CCDC148: variants seen among roughly 807,000 people sequenced by gnomAD.
CCDC148 encodes coiled-coil domain containing 148.
CCDC148 carries 89 observed loss-of-function variants against 85.7 expected under a neutral mutation model. That is an observed-to-expected ratio of 1.04 (90% CI 0.87 to 1.24). The LOEUF is 1.24. Ranked by LOEUF, CCDC148 falls within the 50% of genes most tolerant of loss-of-function variation. The probability of loss-of-function intolerance (pLI) is 0.00; values close to 1 mark genes in which losing one functional copy is unlikely to be tolerated. For missense variants in CCDC148, 692 were observed against 671.7 expected (o/e 1.03, Z -0.33); for synonymous variants, 230 against 213.9 (o/e 1.08, Z -0.66).
chr2:158,407,441 T>C (rs1306170205), intron 1 of CCDC148, among the ~76,000 whole-genome samples: 2 of 152,212 alleles, frequency 1.3e-5, no homozygotes, highest in Non-Finnish European at 2.9e-5. Context: ...CTGTCAACTT[T>C]TTACTCTTTC....
chr2:158,267,202 C>T (rs1005819470), intron 9 of CCDC148, among the ~76,000 whole-genome samples: 4 of 152,054 alleles, frequency 2.6e-5, no homozygotes, highest in African/African-American at 7.3e-5. Flanking sequence ...CCACACCAAA[C>T]ATCAAACTCG....
intron 10 of CCDC148, among the ~76,000 whole-genome samples, chr2:158,244,410 T>C (rs910224539): frequency 5.9e-5 from 9 of 152,170 alleles, no homozygotes; most frequent in Non-Finnish European, 1.3e-4. Context: ...GAAATCAAGG[T>C]ATTGACAAAA....
chr2:158,293,923 C>T (rs1208647001), intron 9 of CCDC148, among the ~76,000 whole-genome samples: 1 of 146,954 alleles, frequency 6.8e-6, no homozygotes, highest in African/African-American at 2.5e-5. Flanking sequence ...CAATGAGGGG[C>T]ATGGATGTGC....
At chr2:158,274,292 A>C (rs943998511) in intron 9 of CCDC148, among the ~76,000 whole-genome samples, 3 of 152,190 alleles carry the variant, frequency 2.0e-5, no homozygotes, top group Admixed American at 6.5e-5. Flanking sequence ...GGTTTACATT[A>C]AAGTATGAAA....
chr2:158,422,436 C>A (rs146797903), intron 1 of CCDC148, among the ~76,000 whole-genome samples: 63,083 of 151,962 alleles, frequency 0.42, 15,568 homozygotes, highest in South Asian at 0.69. Context: ...CAACATATGC[C>A]AATCAATAAA....
At chr2:158,438,138 T>C (rs995744655) in intron 1 of CCDC148, among the ~76,000 whole-genome samples, 3 of 152,134 alleles carry the variant, frequency 2.0e-5, no homozygotes, top group African/African-American at 7.2e-5. Context: ...AAAGTTCATG[T>C]GGAACCAAAA....
At position 158,423,975 on chromosome 2, in the gene CCDC148, A is replaced by G. The variant is rs1171001973; in HGVS notation, c.25+32440T>C. Among the ~76,000 whole-genome samples the G allele has an allele frequency of 3.9e-5, 6 of 152,364 alleles. No individual in the cohort carries two copies. The East Asian group carries it at 1.2e-3, about 29-fold the overall frequency. On this transcript the variant is annotated intron_variant, in intron 1 of 13. Transcript: ENST00000283233. ...AGCAGACCATGAAAAAATGCTCATCATCACTGGCCATCATAGAAATGCAAA... is the reference window on the plus strand; with the variant it reads ...AGCAGACCATGAAAAAATGCTCATCGTCACTGGCCATCATAGAAATGCAAA...
At chr2:158,277,211 C>T (rs757519469) in intron 9 of CCDC148, among the ~76,000 whole-genome samples, 5 of 152,076 alleles carry the variant, frequency 3.3e-5, no homozygotes, top group South Asian at 4.2e-4. Context: ...CATCACAACT[C>T]GAGGGGATGA....
At chr2:158,272,070 G>A (rs1689722974) in intron 9 of CCDC148, among the ~76,000 whole-genome samples, 2 of 152,086 alleles carry the variant, frequency 1.3e-5, no homozygotes, top group South Asian at 2.1e-4. Flanking sequence ...AAAAGGCAGG[G>A]CTGATGTTCA....
At chr2:158,195,203 T>C (rs1208093724) in intron 11 of CCDC148, among the ~76,000 whole-genome samples, 1 of 152,072 alleles carries the variant, frequency 6.6e-6, no homozygotes, top group Non-Finnish European at 1.5e-5. Context: ...ATCTTATGCT[T>C]TTCCCACTTT....
At chr2:158,178,788 T>C (rs1684719016) in intron 12 of CCDC148, 91 bp downstream of exon 12, 2 of 853,142 alleles carry the variant, frequency 2.3e-6, no homozygotes, top group Non-Finnish European at 3.8e-6. Context: ...GCAGATGTCA[T>C]GAACTAAGCC....
chr2:158,396,663 A>T (rs997049626), intron 1 of CCDC148, among the ~76,000 whole-genome samples: 1 of 152,140 alleles, frequency 6.6e-6, no homozygotes, highest in Non-Finnish European at 1.5e-5. Flanking sequence ...TCTACAAGAG[A>T]AATAGTGACA....
intron 10 of CCDC148, among the ~76,000 whole-genome samples, chr2:158,227,654 A>G (rs972056621): frequency 8.5e-5 from 13 of 152,218 alleles, no homozygotes; most frequent in African/African-American, 2.4e-4. Context: ...ATAATGCCGC[A>G]TATCTACAAC....
At chr2:158,173,582 G>T (rs912854256) in intron 13 of CCDC148, among the ~76,000 whole-genome samples, 8 of 152,006 alleles carry the variant, frequency 5.3e-5, no homozygotes, top group Non-Finnish European at 8.8e-5. Context: ...TTGGCTGGTA[G>T]CAAGGAAGAG....
At chr2:158,440,958 C>T (rs142165772) in intron 1 of CCDC148, among the ~76,000 whole-genome samples, 2 of 152,190 alleles carry the variant, frequency 1.3e-5, no homozygotes, top group East Asian at 3.9e-4. Flanking sequence ...GAGTCAGGAG[C>T]ATTGCTTGAC....
Position 158,309,510 on chromosome 2 carries a change from C to A in CCDC148, c.1033G>T (p.Ala345Ser), listed in dbSNP as rs760016277. ...KAVLTLTEAC[A>S]THEMESMLAK... Reference sequence around the variant, plus strand: ...AACATGCTCTCCATTTCATGTGTTGCACAAGCCTCAGTGAGTGTCAGCACA... The same window carrying A: ...AACATGCTCTCCATTTCATGTGTTGAACAAGCCTCAGTGAGTGTCAGCACA... Residue 345 changes from alanine to serine, a missense_variant, in exon 9 of 14, where the codon GCA (alanine) becomes TCA (serine). Ala to Ser is a moderately conservative substitution (Grantham distance 99, BLOSUM62 1). Coordinates refer to ENST00000283233, the MANE Select transcript of CCDC148 (RefSeq NM_138803.4). 6.2e-7 allele frequency: 1 copy of A among 1,614,102 alleles called. No individual in the cohort carries two copies. The highest frequency in any genetic ancestry group is 8.5e-7 in the Non-Finnish European group (1 of 1,179,966).
chr2:158,253,348 C>T (rs1688875522), intron 9 of CCDC148, among the ~76,000 whole-genome samples: 1 of 151,640 alleles, frequency 6.6e-6, no homozygotes, highest in African/African-American at 2.4e-5. Context: ...CCTCTGCCTT[C>T]CCTTATATGG....
At chr2:158,242,727 A>T (rs1688403744) in intron 10 of CCDC148, among the ~76,000 whole-genome samples, 1 of 150,910 alleles carries the variant, frequency 6.6e-6, no homozygotes, top group African/African-American at 2.4e-5. Context: ...CTCCATATCT[A>T]GGAACTTCTT....
At chr2:158,373,693 T>C (rs1367448276) in intron 1 of CCDC148, among the ~76,000 whole-genome samples, 13 of 152,062 alleles carry the variant, frequency 8.5e-5, no homozygotes, top group Non-Finnish European at 1.8e-4. Context: ...TAAAGGGCTA[T>C]AGATTTATTC....
Sources: allele counts gnomAD v4.1 joint callset (sites outside exome capture counted in the v4.1 genomes callset), GRCh38; gene constraint gnomAD v4.1.1; transcripts MANE v1.5; gene names NCBI Gene and HGNC (gene_info 2026-07-23, HGNC 2026-07-21).